SHTN1: variants seen among roughly 807,000 people sequenced by gnomAD.
SHTN1 encodes the protein shootin-1.
A neutral mutation model predicts 83.1 loss-of-function variants in SHTN1; 42 were observed. That is an observed-to-expected ratio of 0.51 (90% CI 0.39 to 0.65). The LOEUF (loss-of-function observed/expected upper bound fraction) is 0.65, where lower values mean the gene tolerates loss of function less well. Ranked by LOEUF, SHTN1 falls within the 30% of genes least tolerant of loss-of-function variation. SHTN1 has a pLI of 0.00. For synonymous variants in SHTN1, 224 were observed against 247.7 expected (o/e 0.90, Z 0.90); for missense variants, 622 against 737.8 (o/e 0.84, Z 1.82).
At chr10:116,922,204 A>T (rs1318837247) in intron 11 of SHTN1, among the ~76,000 whole-genome samples, 1 of 152,202 alleles carries the variant, frequency 6.6e-6, no homozygotes, top group Non-Finnish European at 1.5e-5. Flanking sequence ...AATTTCCAAT[A>T]CATATACAAA....
chr10:117,085,287 T>C (rs1191878647), intron 1 of SHTN1, among the ~76,000 whole-genome samples: 5 of 152,220 alleles, frequency 3.3e-5, no homozygotes, highest in African/African-American at 7.2e-5. Context: ...ATGCTATAAA[T>C]TTCCCTCTGA....
rs556490319 is a variant in SHTN1 at position 116,999,106 on chromosome 10, C to T, written c.58+5916G>A. ...GGCCTCCCAAAGTGCTGGGATTATA[C>T]GCGTGAGCCAACACAACCAGCCCAG... is the stretch of plus-strand genomic sequence containing the variant. On this transcript the variant is annotated intron_variant, in intron 1 of 16. Coordinates refer to ENST00000355371, the MANE Select transcript of SHTN1 (RefSeq NM_001127211.3). Among the ~76,000 whole-genome samples, 8 of 152,084 alleles carry T rather than the reference C, an allele frequency of 5.3e-5. No individual in the cohort carries two copies. The East Asian group carries it at 5.8e-4, about 11-fold the overall frequency.
At chr10:116,946,803 C>T (rs1055701030) in intron 7 of SHTN1, among the ~76,000 whole-genome samples, 9 of 151,326 alleles carry the variant, frequency 5.9e-5, no homozygotes, top group East Asian at 1.9e-4. Context: ...CTGCAACCTC[C>T]GCCTCCTAGG....
Position 117,069,384 on chromosome 10 carries a change from G to C in SHTN1, c.-188-20874C>G, listed in dbSNP as rs567745205. ...TGAAAGATGTATAGATCACTCTCAA[G>C]TGGCCTGGCTCTGAAGGGGAGGTGA... On this transcript the variant is annotated intron_variant, in intron 1 of 17. Transcript: ENST00000392901. 1.1e-4 allele frequency among the ~76,000 whole-genome samples: 16 copies of C among 152,198 alleles called. No individual in the cohort carries two copies. The South Asian group carries it at 3.1e-3, about 30-fold the overall frequency.
intron 1 of SHTN1, among the ~76,000 whole-genome samples, chr10:116,992,363 G>A (rs1464877552): frequency 7.9e-5 from 12 of 152,114 alleles, no homozygotes; most frequent in Non-Finnish European, 1.8e-4. Context: ...TCCTTGTCTT[G>A]CAAATTGTTT....
At chr10:116,981,686 A>G (rs140896264) in intron 1 of SHTN1, among the ~76,000 whole-genome samples, 124 of 152,346 alleles carry the variant, frequency 8.1e-4, no homozygotes, top group African/African-American at 2.6e-3. Flanking sequence ...ATGAAGTTGA[A>G]AAAACCAAAA....
chr10:117,001,662 C>T (rs1049502806), intron 1 of SHTN1, among the ~76,000 whole-genome samples: 1 of 152,106 alleles, frequency 6.6e-6, no homozygotes, highest in Non-Finnish European at 1.5e-5. Flanking sequence ...TAAGTTTTAA[C>T]ATTTTGATAG....
At chr10:116,976,824 C>G (rs1850825062) in intron 2 of SHTN1, among the ~76,000 whole-genome samples, 1 of 152,162 alleles carries the variant, frequency 6.6e-6, no homozygotes. Flanking sequence ...CTTAAAACCA[C>G]TCTACTTTGT....
At chr10:116,901,738 C>G in intron 16 of SHTN1, 27 bp downstream of exon 16, 1 of 1,546,504 alleles carries the variant, frequency 6.5e-7, no homozygotes, top group Non-Finnish European at 8.7e-7. Flanking sequence ...TTCTATACAC[C>G]ACTTAGTAAA....
intron 7 of SHTN1, among the ~76,000 whole-genome samples, chr10:116,946,232 T>C (rs892349132): frequency 4.0e-5 from 6 of 148,774 alleles, no homozygotes; most frequent in African/African-American, 1.5e-4. Context: ...ACATTTAATA[T>C]GTATATATGT....
intron 2 of SHTN1, among the ~76,000 whole-genome samples, chr10:117,037,575 C>T (rs201547878): frequency 3.3e-5 from 5 of 152,018 alleles, no homozygotes; most frequent in Non-Finnish European, 7.4e-5. Flanking sequence ...TAAAGAGAGG[C>T]AAAAGACCCA....
At position 116,998,905 on chromosome 10, in the gene SHTN1, C is replaced by A. The variant is rs147718656; in HGVS notation, c.58+6117G>T. ...CAGAGCAAGAAAATATATGTATATA[C>A]CAACATATATATATATGTGTAACCA... On this transcript the variant is annotated intron_variant, in intron 1 of 16. Coordinates refer to ENST00000355371, the MANE Select transcript of SHTN1 (RefSeq NM_001127211.3). Among the ~76,000 whole-genome samples the A allele has an allele frequency of 4.0e-4, 61 of 152,220 alleles. No individual in the cohort carries two copies. The East Asian group carries it at 0.011, about 27-fold the overall frequency.
At chr10:117,017,995 A>G (rs1478463034) in intron 2 of SHTN1, among the ~76,000 whole-genome samples, 1 of 152,228 alleles carries the variant, frequency 6.6e-6, no homozygotes, top group Non-Finnish European at 1.5e-5. Flanking sequence ...ATAATCTTCG[A>G]AACTGCTAAG....
intron 1 of SHTN1, among the ~76,000 whole-genome samples, chr10:117,116,691 A>C (rs550241727): frequency 3.2e-4 from 48 of 152,302 alleles, no homozygotes; most frequent in African/African-American, 1.1e-3. Flanking sequence ...ATTCAACAAC[A>C]CATTAAAAGG....
rs531314371 is a variant in SHTN1, at chr10:116,891,443, G to C, written c.1674-4877C>G. 3.9e-4 allele frequency among the ~76,000 whole-genome samples: 60 copies of C among 152,264 alleles called. No homozygotes were observed. In the South Asian group the frequency reaches 6.2e-3, roughly 16 times the overall value. On this transcript the variant is annotated intron_variant, in intron 16 of 16. Coordinates refer to ENST00000355371, the MANE Select transcript of SHTN1 (RefSeq NM_001127211.3). ...CAAATGACGCACAGCCGGACGGTCT[G>C]AACTCTGTTTCATTTACAATAAAAA...
intron 8 of SHTN1, among the ~76,000 whole-genome samples, chr10:116,941,370 A>G (rs1589826988): frequency 6.6e-6 from 1 of 152,352 alleles, no homozygotes; most frequent in East Asian, 1.9e-4. Context: ...CACTGTATTA[A>G]GCAATTTATA....
At chr10:117,008,497 T>C (rs1175261758), upstream of SHTN1, among the ~76,000 whole-genome samples, 1 of 152,144 alleles carries the variant, frequency 6.6e-6, no homozygotes, top group South Asian at 2.1e-4. Flanking sequence ...AATGGCAATA[T>C]TGGAATATTA....
Position 116,891,513 on chromosome 10 carries a change from CAGAA to C in SHTN1, c.1674-4951_1674-4948del, listed in dbSNP as rs531503643. Among the ~76,000 whole-genome samples, 110 of 152,286 alleles carry C rather than the reference CAGAA, an allele frequency of 7.2e-4. 2 individuals carry two copies. In the South Asian group the frequency reaches 0.022, roughly 30 times the overall value. ...ATTTACCGCCTTCAAGGACAGAAAA[CAGAA>C]AGATTTAAATTTGTCTTTATAAAGT... On this transcript the variant is annotated intron_variant, in intron 16 of 16. Transcript: ENST00000355371.
chr10:116,919,452 A>G (rs1848481005), intron 12 of SHTN1, among the ~76,000 whole-genome samples: 1 of 152,188 alleles, frequency 6.6e-6, no homozygotes, highest in Non-Finnish European at 1.5e-5. Flanking sequence ...TGTGGGAGAA[A>G]ATACTGTCAC....
Sources: allele counts gnomAD v4.1 joint callset (sites outside exome capture counted in the v4.1 genomes callset), GRCh38; gene constraint gnomAD v4.1.1; transcripts MANE v1.5; gene names NCBI Gene and HGNC (gene_info 2026-07-23, HGNC 2026-07-21).